SPAG1: variants seen among roughly 807,000 people sequenced by gnomAD.
SPAG1 encodes sperm-associated antigen 1.
SPAG1 carries 69 observed loss-of-function variants against 100.5 expected under a neutral mutation model. The ratio of observed to expected loss-of-function variants is 0.69; its 90% CI spans 0.57 to 0.84. The LOEUF is 0.84. SPAG1 is among the 40% of genes least tolerant of loss of function. SPAG1 has a pLI of 0.00. For synonymous variants in SPAG1, 336 were observed against 411.6 expected (o/e 0.82, Z 2.22); for missense variants, 955 against 1,133.1 (o/e 0.84, Z 2.26).
Position 100,194,288 on chromosome 8 carries a change from T to C in SPAG1, c.1096+20T>C. 1.2e-6 allele frequency: 2 copies of C among 1,601,366 alleles called. No individual in the cohort carries two copies. Among genetic ancestry groups the C allele is most frequent in the East Asian group, 4.5e-5 (2 of 44,252 alleles). On this transcript the variant is annotated intron_variant, in intron 10 of 18. Transcript: ENST00000388798. Reference sequence around the variant, plus strand: ...ATAAGAGTAAAATATTTTTTCTATTTAGGTTATGTAAAAAGCTGCCTTTTA... The same window carrying C: ...ATAAGAGTAAAATATTTTTTCTATTCAGGTTATGTAAAAAGCTGCCTTTTA...
intron 10 of SPAG1, among the ~76,000 whole-genome samples, chr8:100,209,325 C>CTA (rs1349756399): frequency 6.8e-6 from 1 of 147,130 alleles, no homozygotes; most frequent in Non-Finnish European, 1.5e-5. Flanking sequence ...TATATTCCTA[C>CTA]TATATATATA....
Position 100,240,485 on chromosome 8 carries a change from G to A in SPAG1, c.2363G>A (p.Ser788Asn). 6.2e-7 allele frequency: 1 copy of A among 1,614,108 alleles called. No homozygotes were observed. Among genetic ancestry groups the A allele is most frequent in the Non-Finnish European group, 8.5e-7 (1 of 1,179,988 alleles). ...GCLASEKGGK[S>N]SRSPEDPEKL... Reference sequence around the variant, plus strand: ...CTTGCTTCTGAGAAGGGAGGCAAAAGCAGCAGGTCACCAGAAGACCCTGAG... The same window carrying A: ...CTTGCTTCTGAGAAGGGAGGCAAAAACAGCAGGTCACCAGAAGACCCTGAG... The change falls in exon 18 of 19, where the codon AGC becomes AAC. Residue 788 changes from serine (S) to asparagine (N), a missense_variant. Coordinates refer to ENST00000388798, the MANE Select transcript of SPAG1 (RefSeq NM_003114.5).
intron 13 of SPAG1, 62 bp downstream of exon 13, chr8:100,220,493 C>T (rs1818221002): frequency 1.5e-6 from 2 of 1,348,376 alleles, no homozygotes; most frequent in African/African-American, 1.5e-5. Flanking sequence ...CCCTTCCCCT[C>T]CTTCAAGAAC....
chr8:100,197,941 G>T (rs1288597148), intron 10 of SPAG1, among the ~76,000 whole-genome samples: 2 of 152,130 alleles, frequency 1.3e-5, no homozygotes, highest in African/African-American at 4.8e-5. Flanking sequence ...ATTACACCTG[G>T]GGATTTGAGT....
intron 10 of SPAG1, among the ~76,000 whole-genome samples, chr8:100,206,625 GAGATATTCCTTCTAAGGTGAAGCA>G (rs1446179956): frequency 2.0e-5 from 3 of 151,774 alleles, no homozygotes; most frequent in Non-Finnish European, 4.4e-5. Flanking sequence ...GGGGCCTGTC[GAGATATTCCTTCTAAGGTGAAGCA>G]AGATATTCCT....
At chr8:100,189,975 A>G (rs1350191680) in intron 8 of SPAG1, among the ~76,000 whole-genome samples, 1 of 152,198 alleles carries the variant, frequency 6.6e-6, no homozygotes, top group Non-Finnish European at 1.5e-5. Flanking sequence ...CAAATTTATA[A>G]TTATGTTTTA....
intron 4 of SPAG1, among the ~76,000 whole-genome samples, chr8:100,182,604 T>C (rs1816412980): frequency 1.3e-5 from 2 of 152,210 alleles, no homozygotes; most frequent in South Asian, 2.1e-4. Flanking sequence ...TGCCCTTCCA[T>C]CAGTTTAGTT....
intron 3 of SPAG1, among the ~76,000 whole-genome samples, chr8:100,167,477 T>C (rs1360688059): frequency 6.6e-6 from 1 of 152,212 alleles, no homozygotes; most frequent in Non-Finnish European, 1.5e-5. Flanking sequence ...GAATATGAGC[T>C]CTCTTTCTCT....
intron 10 of SPAG1, among the ~76,000 whole-genome samples, chr8:100,205,596 T>C (rs1673626312): frequency 6.6e-6 from 1 of 152,116 alleles, no homozygotes; most frequent in South Asian, 2.1e-4. Context: ...AAGGCTGTTA[T>C]GGTGGGAAAG....
chr8:100,228,208 TA>T (rs1464855200), intron 14 of SPAG1, among the ~76,000 whole-genome samples: 1 of 152,150 alleles, frequency 6.6e-6, no homozygotes, highest in East Asian at 1.9e-4. Flanking sequence ...AGATGAAAAG[TA>T]AACTAGCATT....
chr8:100,178,166 T>C (rs1816211739), intron 4 of SPAG1, among the ~76,000 whole-genome samples: 1 of 152,212 alleles, frequency 6.6e-6, no homozygotes, highest in Non-Finnish European at 1.5e-5. Flanking sequence ...AAGTCCTGCA[T>C]CTTGGGCTTA....
chr8:100,183,464 T>C, intron 5 of SPAG1, 28 bp downstream of exon 5: 1 of 1,172,966 alleles, frequency 8.5e-7, no homozygotes, highest in Non-Finnish European at 1.2e-6. Flanking sequence ...TTATATAAAA[T>C]GTATCACTAA....
chr8:100,161,065 C>A (rs113577205), intron 1 of SPAG1, among the ~76,000 whole-genome samples: 1 of 152,132 alleles, frequency 6.6e-6, no homozygotes, highest in African/African-American at 2.4e-5. Flanking sequence ...AAGGGCTGGG[C>A]GTGATGGCTC....
intron 3 of SPAG1, among the ~76,000 whole-genome samples, chr8:100,174,917 T>A (rs978236931): frequency 1.3e-5 from 2 of 152,024 alleles, no homozygotes; most frequent in African/African-American, 2.4e-5. Flanking sequence ...TCCTATGAAA[T>A]CCCGGACAAC....
chr8:100,177,180 A>G (rs1165646081), intron 3 of SPAG1, among the ~76,000 whole-genome samples: 1 of 152,106 alleles, frequency 6.6e-6, no homozygotes, highest in Admixed American at 6.5e-5. Context: ...TTACAGTATT[A>G]CACTAAACAT....
intron 3 of SPAG1, among the ~76,000 whole-genome samples, chr8:100,166,860 T>A (rs1252850905): frequency 6.6e-6 from 1 of 152,180 alleles, no homozygotes; most frequent in Non-Finnish European, 1.5e-5. Context: ...TGAGCTGTGA[T>A]GGTGTCATTG....
At chr8:100,166,085 C>A in intron 3 of SPAG1, 112 bp downstream of exon 3, 1 of 927,814 alleles carries the variant, frequency 1.1e-6, no homozygotes, top group South Asian at 1.9e-5. Context: ...CTTTTAGTGT[C>A]AATTAGGCAG....
intron 3 of SPAG1, among the ~76,000 whole-genome samples, chr8:100,175,295 T>TA (rs1816061852): frequency 1.3e-5 from 2 of 150,688 alleles, no homozygotes; most frequent in Non-Finnish European, 3.0e-5. Context: ...TTTTTTTTTT[T>TA]TTTTTTTGAG....
At chr8:100,236,139 T>C (rs1403514351) in intron 16 of SPAG1, among the ~76,000 whole-genome samples, 1 of 152,196 alleles carries the variant, frequency 6.6e-6, no homozygotes, top group Non-Finnish European at 1.5e-5. Flanking sequence ...TAATACTTCA[T>C]TGGACTTTTC....
Sources: allele counts gnomAD v4.1 joint callset (sites outside exome capture counted in the v4.1 genomes callset), GRCh38; gene constraint gnomAD v4.1.1; transcripts MANE v1.5; gene names NCBI Gene and HGNC (gene_info 2026-07-23, HGNC 2026-07-21).